KIF2A: variants seen among roughly 807,000 people sequenced by gnomAD.
KIF2A encodes the protein kinesin-like protein KIF2A.
A neutral mutation model predicts 100.2 loss-of-function variants in KIF2A; 22 were observed. The ratio of observed to expected loss-of-function variants is 0.22; its 90% CI spans 0.16 to 0.31. The LOEUF is 0.31. Ranked by LOEUF, KIF2A falls within the 10% of genes least tolerant of loss-of-function variation. KIF2A has a pLI of 1.00. For missense variants in KIF2A, 495 were observed against 898.7 expected, an observed-to-expected ratio of 0.55 and a Z score of 5.74; for synonymous variants, 268 against 285.9, an observed-to-expected ratio of 0.94 and a Z score of 0.63.
At chr5:62,348,643 C>T (rs1045725975) in intron 3 of KIF2A, among the ~76,000 whole-genome samples, 7 of 152,166 alleles carry the variant, frequency 4.6e-5, no homozygotes, top group African/African-American at 1.7e-4. Context: ...GTGCTAAATC[C>T]TCCCTAGCAG....
chr5:62,363,167 G>C lies in KIF2A; in HGVS notation c.1120-11G>C, dbSNP rs375357412. 1.3e-6 allele frequency: 2 copies of C among 1,590,184 alleles called. No homozygotes were observed. Among genetic ancestry groups the C allele is most frequent in the African/African-American group, 2.7e-5 (2 of 74,092 alleles). The stretch of plus-strand genomic sequence containing the variant: ...AAGCTAGTTTTCTAATTTGAATATG[G>C]TTTTTCATAGGTGTTTGACTTGCTA... On this transcript the variant is annotated splice_polypyrimidine_tract_variant and intron_variant, in intron 12 of 20. Coordinates refer to ENST00000407818, the MANE Select transcript of KIF2A (RefSeq NM_001098511.3).
chr5:62,306,448 CGCT>C lies in KIF2A; in HGVS notation c.-15_-13del. ...GCCCTCCGGTCCCCCTCCCTCGGCC[CGCT>C]GCTGCTGCTCCAGATGAGGTGATGG... On this transcript the variant is annotated 5_prime_UTR_variant, in exon 1 of 21. Coordinates refer to ENST00000407818, the MANE Select transcript of KIF2A (RefSeq NM_001098511.3). 6.5e-7 allele frequency: 1 copy of C among 1,537,794 alleles called. No individual in the cohort carries two copies. Among genetic ancestry groups the C allele is most frequent in the South Asian group, 1.2e-5 (1 of 82,510 alleles).
At chr5:62,315,249 C>CAAAAAAAAAAAAAAA (rs765995590) in intron 1 of KIF2A, among the ~76,000 whole-genome samples, 2 of 66,536 alleles carry the variant, frequency 3.0e-5, no homozygotes, top group Non-Finnish European at 2.9e-5. Context: ...AAAAACAGAC[C>CAAAAAAAAAAAAAAA]AAAAAAAAAA....
intron 1 of KIF2A, among the ~76,000 whole-genome samples, chr5:62,335,801 G>A (rs902270396): frequency 6.6e-6 from 1 of 152,080 alleles, no homozygotes; most frequent in Non-Finnish European, 1.5e-5. Context: ...CCTAACAGAT[G>A]ACATTTTCTG....
intron 1 of KIF2A, among the ~76,000 whole-genome samples, chr5:62,332,934 A>G (rs1746729263): frequency 6.6e-6 from 1 of 152,228 alleles, no homozygotes; most frequent in South Asian, 2.1e-4. Flanking sequence ...CTAAACAAGT[A>G]TATGAGAGGC....
In KIF2A at chr5:62,353,394, T is replaced by C. The variant is rs1444640199; in HGVS notation, c.558+19T>C. The stretch of plus-strand genomic sequence containing the variant: ...AGCCCAGGTTCGTAACATAAACATA[T>C]ATTTTGTTTATGTACCAACCAGAGA... On this transcript the variant is annotated intron_variant, in intron 6 of 20. Transcript: ENST00000407818. The C allele has an allele frequency of 2.3e-6, 3 of 1,291,830 alleles. No homozygotes were observed. Among genetic ancestry groups the C allele is most frequent in the Non-Finnish European group, 3.2e-6 (3 of 937,474 alleles). The allele number at this position is 1,291,830 out of a possible 1,614,324, so 80.0% of individuals were successfully genotyped here.
intron 1 of KIF2A, among the ~76,000 whole-genome samples, chr5:62,340,706 G>A (rs1398614939): frequency 6.6e-6 from 1 of 151,536 alleles, no homozygotes; most frequent in African/African-American, 2.4e-5. Flanking sequence ...TCTTATTATT[G>A]TTTCTCTTAT....
chr5:62,335,785 T>C (rs1189832131), intron 1 of KIF2A, among the ~76,000 whole-genome samples: 1 of 152,220 alleles, frequency 6.6e-6, no homozygotes, highest in Non-Finnish European at 1.5e-5. Context: ...TTTGTTTCAC[T>C]TTACCCCTAA....
intron 1 of KIF2A, among the ~76,000 whole-genome samples, chr5:62,327,800 T>C (rs1304926936): frequency 1.3e-5 from 2 of 152,200 alleles, no homozygotes; most frequent in Non-Finnish European, 2.9e-5. Flanking sequence ...GCCACTATCA[T>C]CATAATCTTC....
intron 1 of KIF2A, among the ~76,000 whole-genome samples, chr5:62,317,117 C>T (rs992559049): frequency 8.9e-4 from 135 of 151,080 alleles, no homozygotes; most frequent in African/African-American, 3.2e-3. Flanking sequence ...GGTGCAATAT[C>T]GGCTCACTGC....
At chr5:62,316,002 T>C (rs905747883) in intron 1 of KIF2A, among the ~76,000 whole-genome samples, 6 of 152,216 alleles carry the variant, frequency 3.9e-5, no homozygotes, top group Admixed American at 2.6e-4. Flanking sequence ...AGTATAGCTT[T>C]TAAATCTCTT....
At chr5:62,350,581 C>T (rs1248474279) in intron 4 of KIF2A, among the ~76,000 whole-genome samples, 1 of 152,036 alleles carries the variant, frequency 6.6e-6, no homozygotes, top group East Asian at 1.9e-4. Flanking sequence ...AGCCTAGTGT[C>T]TTCTTGATCT....
intron 18 of KIF2A, among the ~76,000 whole-genome samples, chr5:62,374,407 C>CTTA (rs1246405180): frequency 6.6e-6 from 1 of 152,102 alleles, no homozygotes; most frequent in Non-Finnish European, 1.5e-5. Context: ...TATTATCTGG[C>CTTA]CCTTTAAGGA....
At chr5:62,319,862 A>C (rs1746014768) in intron 1 of KIF2A, among the ~76,000 whole-genome samples, 1 of 152,198 alleles carries the variant, frequency 6.6e-6, no homozygotes, top group Admixed American at 6.6e-5. Context: ...TCCCATGACT[A>C]ATGAAGTTCC....
chr5:62,355,664 T>A (rs112573787), intron 7 of KIF2A, among the ~76,000 whole-genome samples: 2,201 of 152,300 alleles, frequency 0.014, 22 homozygotes, highest in Middle Eastern at 0.051. Context: ...TTAAATGTTA[T>A]TCTGGCTTTT....
At chr5:62,383,788 T>C (rs982628691) in intron 20 of KIF2A, among the ~76,000 whole-genome samples, 6 of 152,222 alleles carry the variant, frequency 3.9e-5, no homozygotes, top group Non-Finnish European at 7.3e-5. Context: ...TAATGCACTC[T>C]GGTATTTTTT....
At chr5:62,328,601 C>G (rs1483537096) in intron 1 of KIF2A, among the ~76,000 whole-genome samples, 1 of 152,086 alleles carries the variant, frequency 6.6e-6, no homozygotes, top group African/African-American at 2.4e-5. Context: ...AAGTGATTCT[C>G]CTGCCTCAGC....
At chr5:62,385,346 T>C in intron 20 of KIF2A, 138 bp from the exon 21 acceptor site, 1 of 593,254 alleles carries the variant, frequency 1.7e-6, no homozygotes, top group Non-Finnish European at 2.9e-6. Context: ...TCCGAGTTTC[T>C]AGACAACAAA....
chr5:62,373,861 G>A (rs1301723016), intron 18 of KIF2A, 24 bp downstream of exon 18: 1 of 1,557,728 alleles, frequency 6.4e-7, no homozygotes, highest in South Asian at 1.1e-5. Context: ...GGTTGTAAAT[G>A]TTATAATCTT....
Sources: allele counts gnomAD v4.1 joint callset (sites outside exome capture counted in the v4.1 genomes callset), GRCh38; gene constraint gnomAD v4.1.1; transcripts MANE v1.5; gene names NCBI Gene and HGNC (gene_info 2026-07-23, HGNC 2026-07-21).